IFT88: variants seen among roughly 807,000 people sequenced by gnomAD.
IFT88 encodes intraflagellar transport 88.
A neutral mutation model predicts 119.5 loss-of-function variants in IFT88; 74 were observed. That is an observed-to-expected ratio of 0.62 (90% confidence interval 0.51 to 0.75). The LOEUF is 0.75. Ranked by LOEUF, IFT88 falls within the 30% of genes least tolerant of loss-of-function variation. The probability of loss-of-function intolerance (pLI) is 0.00; values close to 1 mark genes in which losing one functional copy is unlikely to be tolerated. For synonymous variants in IFT88, 279 were observed against 316.7 expected (o/e 0.88, Z 1.26); for missense variants, 961 against 977.7 (o/e 0.98, Z 0.23).
chr13:20,570,020 C>T (rs561565918), intron 1 of IFT88, among the ~76,000 whole-genome samples: 1 of 139,212 alleles, frequency 7.2e-6, no homozygotes, highest in Non-Finnish European at 1.5e-5. Flanking sequence ...GCCTAGGCGA[C>T]AGAGCAAGAT....
chr13:20,627,285 C>G (rs987150901), intron 15 of IFT88, among the ~76,000 whole-genome samples: 1 of 152,082 alleles, frequency 6.6e-6, no homozygotes, highest in Admixed American at 6.5e-5. Context: ...ATGGAAGTGA[C>G]GTGAATCAAA....
intron 13 of IFT88, chr13:20,614,500 AAC>A (rs905479024): frequency 1.3e-5 from 2 of 152,216 alleles, no homozygotes; most frequent in Non-Finnish European, 2.9e-5. Context: ...CTTTATATAT[AAC>A]ACTCTTAAAA....
intron 3 of IFT88, among the ~76,000 whole-genome samples, chr13:20,586,292 A>G (rs759099519): frequency 1.7e-4 from 26 of 152,224 alleles, no homozygotes; most frequent in Non-Finnish European, 3.1e-4. Context: ...AACATCTTAC[A>G]GGTTCACTTA....
rs747493878 is a variant in IFT88, at chr13:20,691,152, G to A, written c.2452G>A (p.Gly818Arg). 7.4e-6 allele frequency: 12 copies of A among 1,613,294 alleles called. No homozygotes were observed. Among genetic ancestry groups the A allele is most frequent in the East Asian group, 4.5e-5 (2 of 44,882 alleles). ...DEDDFADEEL[G>R]DDLLPE ...GGATGATTTTGCTGATGAAGAATTA[G>A]GAGATGATTTGCTTCCAGAATAATA... Residue 818 changes from glycine (G) to arginine (R), a missense_variant, in exon 26 of 26, where the codon GGA becomes AGA. By Grantham distance (125) the Gly-to-Arg change is moderately radical. Transcript: ENST00000351808.
chr13:20,621,047 T>A (rs935936023), intron 14 of IFT88, among the ~76,000 whole-genome samples: 1 of 151,952 alleles, frequency 6.6e-6, no homozygotes, highest in African/African-American at 2.4e-5. Context: ...CTACCTAGCT[T>A]ATGGTTTGGT....
chr13:20,690,574 C>T, intron 24 of IFT88, 131 bp from the exon 25 acceptor site: 1 of 588,274 alleles, frequency 1.7e-6, no homozygotes, highest in Non-Finnish European at 3.1e-6. Context: ...GAATTATATC[C>T]CTAAGAAGCT....
intron 14 of IFT88, among the ~76,000 whole-genome samples, chr13:20,625,049 A>C (rs1424711712): frequency 6.6e-6 from 1 of 150,498 alleles, no homozygotes; most frequent in Non-Finnish European, 1.5e-5. Context: ...CAGTCCCACC[A>C]CCCCCTATCT....
chr13:20,628,430 G>C (rs887511616), intron 15 of IFT88, among the ~76,000 whole-genome samples: 4 of 152,078 alleles, frequency 2.6e-5, no homozygotes, highest in African/African-American at 9.7e-5. Context: ...TTTCCTCATT[G>C]TTTTCAGGGA....
chr13:20,691,428 C>A lies in IFT88; in HGVS notation c.*253C>A. The A allele has an allele frequency of 3.1e-6, 1 of 320,200 alleles. No homozygotes were observed. The highest frequency in any genetic ancestry group is 6.2e-5 in the East Asian group (1 of 16,212). 19.8% of individuals were successfully genotyped at this position (320,200 alleles called of 1,614,324 possible). On this transcript the variant is annotated 3_prime_UTR_variant, in exon 26 of 26. Transcript: ENST00000351808. ...TTGACACACAGGAAGAAATAAATTT[C>A]ATAACACAACCTAGTACATATATGT...
intron 24 of IFT88, among the ~76,000 whole-genome samples, chr13:20,675,268 G>A (rs1000176684): frequency 1.3e-5 from 2 of 152,068 alleles, no homozygotes; most frequent in African/African-American, 2.4e-5. Context: ...GAGAGGCCGG[G>A]GGGCGGGTGC....
Position 20,601,587 on chromosome 13 carries a change from T to C in IFT88, c.813-118T>C, listed in dbSNP as rs533048392. ...TATAAAGCTTTTATCAATAAAGCTT[T>C]AACAAAACAAAAACGAAGTAAAGTG... On this transcript the variant is annotated intron_variant, in intron 11 of 25. Coordinates refer to ENST00000351808, the MANE Select transcript of IFT88 (RefSeq NM_006531.5). 6.1e-5 allele frequency: 38 copies of C among 619,048 alleles called. No individual in the cohort carries two copies. The African/African-American group carries it at 6.6e-4, about 11-fold the overall frequency. 38.3% of individuals were successfully genotyped at this position (619,048 alleles called of 1,614,324 possible).
chr13:20,670,810 A>G (rs1050343694), intron 23 of IFT88, among the ~76,000 whole-genome samples, 163 bp from the exon 24 acceptor site: 4 of 151,124 alleles, frequency 2.6e-5, no homozygotes, highest in Non-Finnish European at 5.9e-5. Flanking sequence ...CACTTACAAA[A>G]CAACTCAGGC....
rs935172901 is a variant in IFT88, at chr13:20,590,974, C to T, written c.218C>T (p.Thr73Ile). Residue 73 changes from threonine (T) to isoleucine (I), a missense_variant, in exon 5 of 26, where the codon ACA becomes ATA. Physicochemically the swap from Thr to Ile is moderately conservative, Grantham distance 89. Coordinates refer to ENST00000351808, the MANE Select transcript of IFT88 (RefSeq NM_006531.5). ...RPIATGYGSK[T>I]SLASSIGRPM... is the part of the protein sequence containing the mutation. ...AACTTTTCTGTTTACTAGTCCAAGA[C>T]ATCTCTGGCATCATCAATAGGAAGA... The T allele has an allele frequency of 1.9e-6, 3 of 1,606,816 alleles. No individual in the cohort carries two copies. The highest frequency in any genetic ancestry group is 2.6e-6 in the Non-Finnish European group (3 of 1,175,106).
intron 15 of IFT88, among the ~76,000 whole-genome samples, chr13:20,628,602 T>C (rs986148317): frequency 4.6e-5 from 7 of 152,208 alleles, no homozygotes; most frequent in Non-Finnish European, 1.0e-4. Context: ...AGAGAACAGT[T>C]ATGAAAACAG....
At chr13:20,675,933 A>G (rs760608663) in intron 24 of IFT88, among the ~76,000 whole-genome samples, 39 of 152,336 alleles carry the variant, frequency 2.6e-4, no homozygotes, top group Non-Finnish European at 2.4e-4. Flanking sequence ...CTCCATGAAT[A>G]CTTTTGGTAA....
intron 20 of IFT88, among the ~76,000 whole-genome samples, chr13:20,650,329 A>G (rs769072559): frequency 1.3e-4 from 20 of 152,218 alleles, no homozygotes; most frequent in Non-Finnish European, 2.9e-4. Flanking sequence ...TATGAAGATC[A>G]GTCAATTTAA....
intron 12 of IFT88, among the ~76,000 whole-genome samples, chr13:20,603,014 C>G (rs1023501051): frequency 6.6e-6 from 1 of 152,048 alleles, no homozygotes; most frequent in African/African-American, 2.4e-5. Flanking sequence ...CAGCTATGCA[C>G]ACTTATACAT....
chr13:20,627,451 C>A (rs116750087), intron 15 of IFT88, among the ~76,000 whole-genome samples: 2 of 151,812 alleles, frequency 1.3e-5, no homozygotes, highest in Non-Finnish European at 2.9e-5. Context: ...GTTAAGAGGC[C>A]GGGCGTGGTG....
chr13:20,571,179 A>G (rs1451165992), intron 1 of IFT88, among the ~76,000 whole-genome samples: 1 of 151,934 alleles, frequency 6.6e-6, no homozygotes, highest in Non-Finnish European at 1.5e-5. Context: ...TATTTTTAGT[A>G]GAGACGGGGT....
Sources: gnomAD v4.1 joint callset for allele counts (sites outside exome capture counted in the v4.1 genomes callset) on GRCh38, gnomAD v4.1.1 for gene constraint, MANE v1.5 for transcripts, NCBI Gene and HGNC (gene_info 2026-07-23, HGNC 2026-07-21) for gene names.